KCNH8: variants seen among roughly 807,000 people sequenced by gnomAD.
The protein encoded by KCNH8 is potassium voltage-gated channel subfamily H member 8.
KCNH8 carries 70 observed loss-of-function variants against 103.6 expected under a neutral mutation model. The ratio of observed to expected loss-of-function variants is 0.68; its 90% CI spans 0.56 to 0.82. The LOEUF is 0.82. Among genes scored for constraint, KCNH8 ranks in the 40% least tolerant of loss-of-function variants. The pLI, the probability that KCNH8 is intolerant of heterozygous loss-of-function variation, is 0.00. For synonymous variants in KCNH8, 498 were observed against 489.4 expected (o/e 1.02, Z -0.23); for missense variants, 1,217 against 1,329.9 (o/e 0.92, Z 1.32).
chr3:19,351,674 C>G (rs2065804199), intron 5 of KCNH8, among the ~76,000 whole-genome samples: 2 of 152,100 alleles, frequency 1.3e-5, no homozygotes, highest in Admixed American at 1.3e-4. Context: ...CCTTTACAGA[C>G]AAGCAAATGC....
intron 11 of KCNH8, among the ~76,000 whole-genome samples, chr3:19,473,485 A>G (rs2067906295): frequency 6.6e-6 from 1 of 152,146 alleles, no homozygotes; most frequent in Non-Finnish European, 1.5e-5. Context: ...TGGCTCTGGG[A>G]GAATTTCTTC....
intron 3 of KCNH8, among the ~76,000 whole-genome samples, chr3:19,288,195 T>C (rs1375584827): frequency 7.2e-6 from 1 of 139,804 alleles, no homozygotes; most frequent in African/African-American, 3.0e-5. Context: ...TTTTTTTTTT[T>C]TTTTTTTTTT....
In KCNH8 at chr3:19,170,841, G is replaced by A. The variant is rs187324917; in HGVS notation, c.76+22046G>A. Among the ~76,000 whole-genome samples the A allele has an allele frequency of 7.0e-3, 846 of 120,052 alleles. 27 individuals carry two copies. Among genetic ancestry groups the A allele is most frequent in the East Asian group, 0.063 (276 of 4,402 alleles). The allele number at this position is 120,052 out of a possible 152,430, so 78.8% of individuals were successfully genotyped here. On this transcript the variant is annotated intron_variant, in intron 1 of 15. Coordinates refer to ENST00000328405, the MANE Select transcript of KCNH8 (RefSeq NM_144633.3). ...TTTTTTTTTTTTGAGACGAAGTCTC[G>A]CGCTCTCGCCCAGGCTGGAGTGCAG...
chr3:19,506,820 G>A (rs2068702144), intron 11 of KCNH8, among the ~76,000 whole-genome samples: 1 of 152,080 alleles, frequency 6.6e-6, no homozygotes, highest in South Asian at 2.1e-4. Flanking sequence ...CTGCACTGGG[G>A]ACCCAAGCTG....
At chr3:19,281,174 AT>A (rs764763374) in intron 2 of KCNH8, 23 bp from the exon 3 acceptor site, 99 of 1,570,670 alleles carry the variant, frequency 6.3e-5, no homozygotes, top group Middle Eastern at 5.1e-4. Context: ...GTTGATTTGT[AT>A]TTTTTTTTCT....
At chr3:19,475,174 G>A (rs1055911346) in intron 11 of KCNH8, among the ~76,000 whole-genome samples, 45 of 152,138 alleles carry the variant, frequency 3.0e-4, no homozygotes, top group Non-Finnish European at 7.4e-5. Context: ...TCCTTCCAAT[G>A]GGGTCACTTG....
intron 1 of KCNH8, among the ~76,000 whole-genome samples, chr3:19,202,688 G>A (rs1183758965): frequency 6.6e-6 from 1 of 151,906 alleles, no homozygotes; most frequent in Non-Finnish European, 1.5e-5. Flanking sequence ...GTAACTTTTT[G>A]TTATTATTTT....
intron 3 of KCNH8, 22 bp downstream of exon 3, chr3:19,281,351 C>T (rs934457272): frequency 6.4e-7 from 1 of 1,568,348 alleles, no homozygotes; most frequent in Non-Finnish European, 8.6e-7. Flanking sequence ...TTTCAGAAAA[C>T]ATTGACAGAT....
chr3:19,508,317 A>T (rs1419532894), intron 11 of KCNH8, among the ~76,000 whole-genome samples: 1 of 152,186 alleles, frequency 6.6e-6, no homozygotes, highest in East Asian at 1.9e-4. Flanking sequence ...AATCAAAGGT[A>T]TCAAAAAGTA....
chr3:19,348,617 G>A (rs2065759293), intron 5 of KCNH8, among the ~76,000 whole-genome samples: 1 of 152,022 alleles, frequency 6.6e-6, no homozygotes, highest in Non-Finnish European at 1.5e-5. Flanking sequence ...TTAGACCAAA[G>A]CCTAGCTCTG....
At chr3:19,166,518 AG>A in intron 1 of KCNH8, among the ~76,000 whole-genome samples, 1 of 152,298 alleles carries the variant, frequency 6.6e-6, no homozygotes, top group Non-Finnish European at 1.5e-5. Context: ...CATTGTTCGT[AG>A]TACATAGTCC....
chr3:19,513,248 T>A lies in KCNH8; in HGVS notation c.2358T>A (p.His786Gln). 1 of 1,613,378 alleles carries A rather than the reference T, an allele frequency of 6.2e-7. No individual in the cohort carries two copies. The highest frequency in any genetic ancestry group is 1.1e-5 in the South Asian group (1 of 91,008). The change falls in exon 13 of 16, where the codon CAT becomes CAA. Residue 786 changes from histidine (H) to glutamine (Q), a missense_variant. Coordinates refer to ENST00000328405, the MANE Select transcript of KCNH8 (RefSeq NM_144633.3). Reference protein sequence around the residue: ...KTKQEIDPPNHNKRKEKNLKL... With the variant: ...KTKQEIDPPNQNKRKEKNLKL... ...AGCAGGAAATTGACCCCCCCAACCATAATAAAAGGAAAGAGAAGAACTTGA... is the reference window on the plus strand; with the variant it reads ...AGCAGGAAATTGACCCCCCCAACCAAAATAAAAGGAAAGAGAAGAACTTGA...
chr3:19,278,233 A>G (rs967896601), intron 2 of KCNH8, among the ~76,000 whole-genome samples: 2 of 152,136 alleles, frequency 1.3e-5, no homozygotes, highest in Non-Finnish European at 2.9e-5. Flanking sequence ...TGCATTGAAC[A>G]TGATTGGTAG....
intron 11 of KCNH8, among the ~76,000 whole-genome samples, chr3:19,492,693 A>C (rs1008587564): frequency 6.6e-6 from 1 of 152,046 alleles, no homozygotes; most frequent in Non-Finnish European, 1.5e-5. Context: ...ATGAATTTTA[A>C]AATAGTTTCT....
Position 19,304,931 on chromosome 3 carries a change from C to G in KCNH8, c.442+23602C>G, listed in dbSNP as rs368136933. Among the ~76,000 whole-genome samples the G allele has an allele frequency of 8.6e-5, 13 of 151,802 alleles. 1 individual carries two copies. The highest frequency in any genetic ancestry group is 4.6e-4 in the Admixed American group (7 of 15,220). ...GAAAGCATAGATCTAGGGGGCTAAG[C>G]AACTAAATTAAAAAGAGTACCAAAA... On this transcript the variant is annotated intron_variant, in intron 3 of 15. Coordinates refer to ENST00000328405, the MANE Select transcript of KCNH8 (RefSeq NM_144633.3).
At chr3:19,296,610 A>G (rs373576245) in intron 3 of KCNH8, among the ~76,000 whole-genome samples, 3 of 152,358 alleles carry the variant, frequency 2.0e-5, no homozygotes, top group Admixed American at 1.3e-4. Context: ...GCATTAAAAG[A>G]TTCAGAAGTC....
chr3:19,275,245 A>G (rs1350279476), intron 2 of KCNH8, among the ~76,000 whole-genome samples: 1 of 152,054 alleles, frequency 6.6e-6, no homozygotes, highest in East Asian at 1.9e-4. Context: ...TCAATATAGT[A>G]TGCGTATTCT....
At chr3:19,297,750 C>T (rs1575505855) in intron 3 of KCNH8, among the ~76,000 whole-genome samples, 1 of 152,132 alleles carries the variant, frequency 6.6e-6, no homozygotes, top group Non-Finnish European at 1.5e-5. Flanking sequence ...CACACATAAC[C>T]AAAAACAGAG....
At chr3:19,416,545 T>G (rs2066865904) in intron 7 of KCNH8, among the ~76,000 whole-genome samples, 1 of 152,194 alleles carries the variant, frequency 6.6e-6, no homozygotes. Context: ...CTGCTAACCT[T>G]GTGAATGATA....
Sources: gnomAD v4.1 joint callset for allele counts (sites outside exome capture counted in the v4.1 genomes callset) on GRCh38, gnomAD v4.1.1 for gene constraint, MANE v1.5 for transcripts, NCBI Gene and HGNC (gene_info 2026-07-23, HGNC 2026-07-21) for gene names.